Variants in SLAMF1 observed in about 807,000 individuals in gnomAD.
SLAMF1 encodes the protein signaling lymphocytic activation molecule.
A neutral mutation model predicts 35.1 loss-of-function variants in SLAMF1; 18 were observed. The ratio of observed to expected loss-of-function variants is 0.51; its 90% CI spans 0.35 to 0.76. The LOEUF is 0.76. SLAMF1 is among the 30% of genes least tolerant of loss of function. SLAMF1 has a pLI of 0.01. For missense variants in SLAMF1, 392 were observed against 413.0 expected (o/e 0.95, Z 0.44); for synonymous variants, 168 against 157.2 (o/e 1.07, Z -0.51).
chr1:160,616,822 AC>A (rs1469560925), intron 5 of SLAMF1, among the ~76,000 whole-genome samples: 183 of 152,350 alleles, frequency 1.2e-3, no homozygotes, highest in African/African-American at 4.3e-3. Context: ...CAACAGTAGG[AC>A]TAAAATTAGA....
At chr1:160,625,847 G>GTGTGTA (rs60103703) in intron 3 of SLAMF1, among the ~76,000 whole-genome samples, 48,202 of 147,742 alleles carry the variant, frequency 0.33, 8,085 homozygotes, top group Middle Eastern at 0.43. Flanking sequence ...GTGTGTGTGT[G>GTGTGTA]TGTGTGTATG....
At position 160,642,309 on chromosome 1, in the gene SLAMF1, T is replaced by C. The variant is rs1660792802; in HGVS notation, c.76+4561A>G. 6.6e-6 allele frequency among the ~76,000 whole-genome samples: 1 copy of C among 152,230 alleles called. No individual in the cohort carries two copies. The highest frequency in any genetic ancestry group is 2.1e-4 in the South Asian group (1 of 4,830). ...CCTTAGAGGCTATAACCACTCTTTA[T>C]TTGCCTAGCTAACAACTTCCATCTT... On this transcript the variant is annotated intron_variant, in intron 1 of 6. Coordinates refer to ENST00000302035, the MANE Select transcript of SLAMF1 (RefSeq NM_003037.5). The surrounding 1 kb of genome is among the most constrained non-coding windows in gnomAD (Gnocchi z 4.2).
In SLAMF1 at chr1:160,640,076, T is replaced by G. The variant is rs138870509; in HGVS notation, c.77-2547A>C. ...CCATCTATCTAAAATAGCTTTGTGT[T>G]TCTTTCTGCACTTATCACTGCATTA... is the stretch of plus-strand genomic sequence containing the variant. On this transcript the variant is annotated intron_variant, in intron 1 of 6. Coordinates refer to ENST00000302035, the MANE Select transcript of SLAMF1 (RefSeq NM_003037.5). Among the ~76,000 whole-genome samples, 689 of 152,248 alleles carry G rather than the reference T, an allele frequency of 4.5e-3. 1 individual carries two copies. The highest frequency in any genetic ancestry group is 0.016 in the African/African-American group (654 of 41,532).
chr1:160,637,976 A>G (rs934668090), intron 1 of SLAMF1, among the ~76,000 whole-genome samples: 3 of 152,166 alleles, frequency 2.0e-5, no homozygotes, highest in Non-Finnish European at 4.4e-5. Context: ...GAGCCCAGGA[A>G]GCATTTCAGA....
At chr1:160,619,899 G>T in intron 4 of SLAMF1, 50 bp from the exon 5 acceptor site, 1 of 1,260,700 alleles carries the variant, frequency 7.9e-7, no homozygotes, top group Non-Finnish European at 1.2e-6. Flanking sequence ...CCCAGCAGGA[G>T]CTCCTTACTC....
At chr1:160,621,046 A>G (rs2102289713) in intron 4 of SLAMF1, among the ~76,000 whole-genome samples, 1 of 152,278 alleles carries the variant, frequency 6.6e-6, no homozygotes, top group Admixed American at 6.5e-5. Flanking sequence ...TATTGAGGAC[A>G]TTTTTCATGT....
At chr1:160,635,368 C>T (rs1197083093) in intron 2 of SLAMF1, among the ~76,000 whole-genome samples, 1 of 152,002 alleles carries the variant, frequency 6.6e-6, no homozygotes, top group African/African-American at 2.4e-5. Flanking sequence ...CGCATGTACA[C>T]GGGCGCATGG....
intron 3 of SLAMF1, among the ~76,000 whole-genome samples, chr1:160,624,907 A>AGTATTGAGCT (rs1659800045): frequency 6.6e-6 from 1 of 152,238 alleles, no homozygotes; most frequent in African/African-American, 2.4e-5. Flanking sequence ...ACCCCCAGTA[A>AGTATTGAGCT]ACAAGACATG....
chr1:160,626,042 G>T (rs1384191766), intron 3 of SLAMF1, among the ~76,000 whole-genome samples: 1 of 152,100 alleles, frequency 6.6e-6, no homozygotes, highest in Non-Finnish European at 1.5e-5. Flanking sequence ...ATTTTGACTA[G>T]TTCCTCTTTC....
At chr1:160,641,311 G>T (rs1233139343) in intron 1 of SLAMF1, among the ~76,000 whole-genome samples, 6 of 151,818 alleles carry the variant, frequency 4.0e-5, no homozygotes, top group Admixed American at 3.9e-4. Context: ...CCATTTTCAG[G>T]CCATAACCCA....
chr1:160,640,377 T>C (rs191015739), intron 1 of SLAMF1, among the ~76,000 whole-genome samples: 2,502 of 132,242 alleles, frequency 0.019, 33 homozygotes, highest in Non-Finnish European at 0.024. Flanking sequence ...CACACACACA[T>C]ATATATATAT....
In SLAMF1 at chr1:160,617,409, T is replaced by C. The variant is rs547796131; in HGVS notation, c.864+2367A>G. Among the ~76,000 whole-genome samples, 13 of 152,218 alleles carry C rather than the reference T, an allele frequency of 8.5e-5. 1 individual carries two copies. The South Asian group carries it at 2.5e-3, about 29-fold the overall frequency. On this transcript the variant is annotated intron_variant, in intron 5 of 6. Transcript: ENST00000302035. ...TGCAACTTTCATAATAGCCTCAAAC[T>C]GGAAATAACCCACATGTCCATCAAT...
At chr1:160,628,791 C>CAA (rs1660012471) in intron 3 of SLAMF1, among the ~76,000 whole-genome samples, 1 of 152,180 alleles carries the variant, frequency 6.6e-6, no homozygotes, top group African/African-American at 2.4e-5. Context: ...AGGCAGGAAT[C>CAA]AAAGGGAAGG....
At chr1:160,612,842 A>T (rs1336315891) in intron 5 of SLAMF1, among the ~76,000 whole-genome samples, 2 of 152,170 alleles carry the variant, frequency 1.3e-5, no homozygotes, top group African/African-American at 2.4e-5. Flanking sequence ...TGCTTCTCAA[A>T]TGTTTTAAAT....
chr1:160,635,796 G>T (rs1236111300), intron 2 of SLAMF1, among the ~76,000 whole-genome samples: 5 of 151,614 alleles, frequency 3.3e-5, no homozygotes, highest in Non-Finnish European at 7.4e-5. Context: ...AGCCAGGATG[G>T]TCTCGATCTC....
chr1:160,638,061 C>G (rs537942034), intron 1 of SLAMF1, among the ~76,000 whole-genome samples: 21 of 152,092 alleles, frequency 1.4e-4, no homozygotes, highest in Admixed American at 2.6e-4. Context: ...CTGTGGAATC[C>G]TCTCTCTCCA....
chr1:160,641,830 C>G (rs1558016660), intron 1 of SLAMF1, among the ~76,000 whole-genome samples: 2 of 152,252 alleles, frequency 1.3e-5, no homozygotes, highest in South Asian at 2.1e-4. Flanking sequence ...ATTCAGCCAG[C>G]CCTTATTTAC....
chr1:160,645,490 G>A lies in SLAMF1; in HGVS notation c.76+1380C>T, dbSNP rs569495726. On this transcript the variant is annotated intron_variant, in intron 1 of 6. Transcript: ENST00000302035. ...CAATAAGACGAGCTATTGGTCAGCA[G>A]TGCCTAAGATGCTATGGGCCAGGCT... 5.9e-5 allele frequency among the ~76,000 whole-genome samples: 9 copies of A among 152,326 alleles called. No homozygotes were observed. In the South Asian group the frequency reaches 1.0e-3, roughly 18 times the overall value.
rs1056456686 is a variant in SLAMF1 at position 160,637,583 on chromosome 1, C to T, written c.77-54G>A. The T allele has an allele frequency of 5.6e-5, 72 of 1,297,074 alleles. 1 individual carries two copies. The Middle Eastern group carries it at 1.0e-3, about 19-fold the overall frequency. 80.3% of individuals were successfully genotyped at this position (1,297,074 alleles called of 1,614,324 possible). A position where few individuals can be genotyped will look rare whatever the true frequency, so the allele number is the denominator to read the frequency against. ...TATTATTAAGGCCTTTAGACAACAT[C>T]GTGTCAGCAGATCAGGAAGGACAGA... On this transcript the variant is annotated intron_variant, in intron 1 of 6. Coordinates refer to ENST00000302035, the MANE Select transcript of SLAMF1 (RefSeq NM_003037.5).
Sources: gnomAD v4.1 joint callset for allele counts (sites outside exome capture counted in the v4.1 genomes callset) on GRCh38, gnomAD v4.1.1 for gene constraint, Gnocchi (gnomAD v3.1) non-coding constraint, MANE v1.5 for transcripts, NCBI Gene and HGNC (gene_info 2026-07-23, HGNC 2026-07-21) for gene names.